Variants in SLC14A2 observed in about 807,000 individuals in gnomAD.
The protein encoded by SLC14A2 is urea transporter 2.
In SLC14A2, 91 loss-of-function variants were observed where a neutral mutation model predicts 104.6. The observed-to-expected ratio is 0.87, with a 90% confidence interval of 0.73 to 1.04. The LOEUF (loss-of-function observed/expected upper bound fraction) is 1.04, where lower values mean the gene tolerates loss of function less well. Among genes scored for constraint, SLC14A2 ranks in the 50% least tolerant of loss-of-function variants. SLC14A2 has a pLI of 0.00. For synonymous variants in SLC14A2, 476 were observed against 466.4 expected (o/e 1.02, Z -0.27); for missense variants, 1,189 against 1,156.0 (o/e 1.03, Z -0.41).
At chr18:45,634,035 C>T (rs1777520367) in intron 5 of SLC14A2, among the ~76,000 whole-genome samples, 1 of 152,148 alleles carries the variant, frequency 6.6e-6, no homozygotes, top group African/African-American at 2.4e-5. Context: ...GCTCCTCAAC[C>T]ACATTGCACT....
At chr18:45,313,516 A>T (rs532468116) in intron 1 of SLC14A2, among the ~76,000 whole-genome samples, 1 of 152,314 alleles carries the variant, frequency 6.6e-6, no homozygotes, top group Admixed American at 6.5e-5. Flanking sequence ...TATAGACCTA[A>T]TGAGAGAATT....
At chr18:45,451,072 T>C (rs1045726488) in intron 1 of SLC14A2, among the ~76,000 whole-genome samples, 7 of 152,202 alleles carry the variant, frequency 4.6e-5, no homozygotes, top group African/African-American at 1.7e-4. Context: ...CCTTGAAGTT[T>C]TGGCCTGCCA....
chr18:45,515,877 A>T (rs945781333), intron 2 of SLC14A2, among the ~76,000 whole-genome samples: 1 of 152,266 alleles, frequency 6.6e-6, no homozygotes, highest in Non-Finnish European at 1.5e-5. Flanking sequence ...CCTGCTTTGC[A>T]TGCCTGCATG....
chr18:45,551,305 T>A (rs76633795), intron 2 of SLC14A2, among the ~76,000 whole-genome samples: 11,236 of 152,238 alleles, frequency 0.074, 456 homozygotes, highest in East Asian at 0.13. Flanking sequence ...CAGCTGCACA[T>A]GGGTAAAAAT....
At chr18:45,602,080 A>T (rs2044798559) in intron 2 of SLC14A2, among the ~76,000 whole-genome samples, 1 of 152,214 alleles carries the variant, frequency 6.6e-6, no homozygotes, top group Non-Finnish European at 1.5e-5. Context: ...AAATATGCAA[A>T]CTCCACCAGA....
chr18:45,582,345 C>T (rs903517789), intron 2 of SLC14A2, among the ~76,000 whole-genome samples: 2 of 152,156 alleles, frequency 1.3e-5, no homozygotes, highest in African/African-American at 4.8e-5. Flanking sequence ...GCAAAATCCT[C>T]TGCTTCTAGG....
intron 1 of SLC14A2, among the ~76,000 whole-genome samples, chr18:45,256,400 T>G (rs988462415): frequency 1.3e-5 from 2 of 152,232 alleles, no homozygotes; most frequent in African/African-American, 2.4e-5. Context: ...CACTGAAACC[T>G]GGCACTTCTT....
intron 1 of SLC14A2, among the ~76,000 whole-genome samples, chr18:45,359,687 C>T (rs1412882617): frequency 6.6e-6 from 1 of 152,172 alleles, no homozygotes; most frequent in South Asian, 2.1e-4. Flanking sequence ...GGGGGAGCAT[C>T]GCCTCTCCTC....
intron 1 of SLC14A2, among the ~76,000 whole-genome samples, chr18:45,244,876 A>C (rs987012561): frequency 1.3e-5 from 2 of 152,228 alleles, no homozygotes; most frequent in Non-Finnish European, 2.9e-5. Context: ...TCATTCATCC[A>C]TCTGTCTATT....
chr18:45,572,251 C>A (rs182397405), intron 2 of SLC14A2, among the ~76,000 whole-genome samples: 24 of 152,308 alleles, frequency 1.6e-4, no homozygotes, highest in African/African-American at 5.1e-4. Flanking sequence ...GGGTTCAGAA[C>A]TACCTTCCGT....
chr18:45,537,679 G>T (rs949996449), intron 2 of SLC14A2, among the ~76,000 whole-genome samples: 4 of 152,184 alleles, frequency 2.6e-5, no homozygotes, highest in Non-Finnish European at 4.4e-5. Flanking sequence ...ACCTACATTT[G>T]GTTGGGATCA....
rs1041748447 is a variant in SLC14A2 at position 45,658,537 on chromosome 18, T to C, written c.1352-5248T>C. 7.3e-5 allele frequency among the ~76,000 whole-genome samples: 11 copies of C among 151,042 alleles called. 1 individual carries two copies. The highest frequency in any genetic ancestry group is 7.3e-4 in the Admixed American group (11 of 15,142). ...CGGAGGTTGCAGTGAGCCGAGATCA[T>C]GCCACTGCACTCCAGCTTGGGTGAT... On this transcript the variant is annotated intron_variant, in intron 10 of 19. Coordinates refer to ENST00000255226, the MANE Select transcript of SLC14A2 (RefSeq NM_007163.4).
chr18:45,432,396 G>T, intron 1 of SLC14A2, among the ~76,000 whole-genome samples: 1 of 152,116 alleles, frequency 6.6e-6, no homozygotes, highest in South Asian at 2.1e-4. Flanking sequence ...AAAAATAATA[G>T]GTGATTAATT....
In SLC14A2 at chr18:45,371,427, C is replaced by T. The variant is rs117701271; in HGVS notation, c.-124-111806C>T. On this transcript the variant is annotated intron_variant, in intron 1 of 20. Transcript: ENST00000586448. Reference sequence around the variant, plus strand: ...TTAATAACAATAATAATAAAAATAGCTGATATGTATTGAACCCTAACACCA... The same window carrying T: ...TTAATAACAATAATAATAAAAATAGTTGATATGTATTGAACCCTAACACCA... Among the ~76,000 whole-genome samples, 196 of 152,258 alleles carry T rather than the reference C, an allele frequency of 1.3e-3. 3 individuals carry two copies. The East Asian group carries it at 0.033, about 25-fold the overall frequency.
At chr18:45,550,014 G>A (rs112588536) in intron 2 of SLC14A2, 2 of 151,142 alleles carry the variant, frequency 1.3e-5, no homozygotes, top group African/African-American at 4.9e-5. Flanking sequence ...TGGACTAAGG[G>A]CAATGAGGAA....
At chr18:45,509,866 T>C (rs1477474251) in intron 2 of SLC14A2, among the ~76,000 whole-genome samples, 1 of 152,208 alleles carries the variant, frequency 6.6e-6, no homozygotes, top group African/African-American at 2.4e-5. Context: ...ACTGGACCTC[T>C]GCTGCATAGA....
At chr18:45,651,466 G>A (rs1044615118) in intron 10 of SLC14A2, among the ~76,000 whole-genome samples, 1 of 152,186 alleles carries the variant, frequency 6.6e-6, no homozygotes, top group Non-Finnish European at 1.5e-5. Flanking sequence ...TTTCTCCAGA[G>A]CACAGAGGGA....
At chr18:45,185,750 A>G in the SLC14A2 span, among the ~76,000 whole-genome samples, 43 of 152,338 alleles carry the variant, frequency 2.8e-4, 1 homozygote, top group Middle Eastern at 0.014. Flanking sequence ...CTAATGAAAT[A>G]TATGAAAAAG....
At chr18:45,322,179 C>A (rs2085191929) in intron 1 of SLC14A2, among the ~76,000 whole-genome samples, 3 of 152,122 alleles carry the variant, frequency 2.0e-5, no homozygotes, top group Admixed American at 2.0e-4. Context: ...TTCATTTGAT[C>A]CAGCTGCAAA....
Sources: gnomAD v4.1 joint callset for allele counts (sites outside exome capture counted in the v4.1 genomes callset) on GRCh38, gnomAD v4.1.1 for gene constraint, MANE v1.5 for transcripts, NCBI Gene and HGNC (gene_info 2026-07-23, HGNC 2026-07-21) for gene names.